Variants in KCNB2 observed in about 807,000 individuals in gnomAD.
KCNB2 encodes the protein potassium voltage-gated channel subfamily B member 2.
Under a neutral mutation model 61.5 loss-of-function variants are expected in KCNB2, and 15 were observed. The ratio of observed to expected loss-of-function variants is 0.24; its 90% CI spans 0.16 to 0.38. The LOEUF is 0.38. KCNB2 is among the 10% of genes least tolerant of loss of function. The pLI, the probability that KCNB2 is intolerant of heterozygous loss-of-function variation, is 1.00. For synonymous variants in KCNB2, 457 were observed against 446.0 expected, an observed-to-expected ratio of 1.02 and a Z score of -0.31; for missense variants, 828 against 1,125.2, an observed-to-expected ratio of 0.74 and a Z score of 3.78.
At chr8:72,787,224 G>A (rs931092031) in intron 2 of KCNB2, among the ~76,000 whole-genome samples, 11 of 152,004 alleles carry the variant, frequency 7.2e-5, no homozygotes, top group South Asian at 6.2e-4. Context: ...GAAAGATCCC[G>A]TCTCTATAAT....
At chr8:72,674,001 T>A (rs1238489833) in intron 2 of KCNB2, among the ~76,000 whole-genome samples, 1 of 152,188 alleles carries the variant, frequency 6.6e-6, no homozygotes, top group Non-Finnish European at 1.5e-5. Context: ...AAACTATGAA[T>A]TAGTAGTTTC....
At chr8:72,902,625 C>G (rs1183471928) in intron 2 of KCNB2, among the ~76,000 whole-genome samples, 1 of 152,046 alleles carries the variant, frequency 6.6e-6, no homozygotes, top group Non-Finnish European at 1.5e-5. Flanking sequence ...GGCCTATTGC[C>G]TAATCTGTAG....
At chr8:72,762,057 T>G (rs1435823096) in intron 2 of KCNB2, among the ~76,000 whole-genome samples, 2 of 152,252 alleles carry the variant, frequency 1.3e-5, no homozygotes, top group Non-Finnish European at 2.9e-5. Flanking sequence ...CTTGTATTTC[T>G]GTAAGTTCTT....
chr8:72,785,944 A>G (rs529211547), intron 2 of KCNB2, among the ~76,000 whole-genome samples: 4 of 152,178 alleles, frequency 2.6e-5, no homozygotes, highest in East Asian at 1.9e-4. Context: ...TTTTAAATTC[A>G]TAACTATTTC....
At chr8:72,593,568 GGA>G (rs1187945988) in intron 2 of KCNB2, among the ~76,000 whole-genome samples, 1 of 152,158 alleles carries the variant, frequency 6.6e-6, no homozygotes, top group African/African-American at 2.4e-5. Context: ...GCAACTCTAG[GGA>G]GAGAGTTTAG....
At chr8:72,594,337 G>A (rs1218952455) in intron 2 of KCNB2, among the ~76,000 whole-genome samples, 1 of 152,014 alleles carries the variant, frequency 6.6e-6, no homozygotes. Context: ...TATTCAAATG[G>A]TCCACCCCCT....
intron 2 of KCNB2, among the ~76,000 whole-genome samples, chr8:72,743,038 G>C (rs931514992): frequency 9.2e-5 from 14 of 152,124 alleles, no homozygotes; most frequent in Non-Finnish European, 5.9e-5. Context: ...ACGACTCTTA[G>C]TCATATTTTA....
intron 2 of KCNB2, among the ~76,000 whole-genome samples, chr8:72,867,343 C>T (rs1337217968): frequency 6.6e-6 from 1 of 152,162 alleles, no homozygotes; most frequent in East Asian, 1.9e-4. Flanking sequence ...CCGTGTTGAG[C>T]ATGTCTTAAA....
intron 2 of KCNB2, among the ~76,000 whole-genome samples, chr8:72,685,528 C>G (rs1037816503): frequency 7.2e-5 from 11 of 152,190 alleles, no homozygotes; most frequent in African/African-American, 1.9e-4. Context: ...GATGGGTGCT[C>G]TGACACTGGA....
chr8:72,627,087 A>G (rs1805802720), intron 2 of KCNB2, among the ~76,000 whole-genome samples: 1 of 152,210 alleles, frequency 6.6e-6, no homozygotes, highest in African/African-American at 2.4e-5. Flanking sequence ...CTAAAATTCT[A>G]AAAGCTCATG....
rs965386487 is a variant in KCNB2 at position 72,904,722 on chromosome 8, A to G, written c.580-31213A>G. 2.0e-5 allele frequency among the ~76,000 whole-genome samples: 3 copies of G among 151,724 alleles called. No individual in the cohort carries two copies. The South Asian group carries it at 6.2e-4, about 32-fold the overall frequency. On this transcript the variant is annotated intron_variant, in intron 2 of 2. Coordinates refer to ENST00000523207, the MANE Select transcript of KCNB2 (RefSeq NM_004770.3). ...TGTGCACAACGTTTTATTTTTTTAA[A>G]TGTTTCTTCATTAGTGTTCCCATAG...
chr8:72,564,636 C>CAT (rs934912476), intron 1 of KCNB2, among the ~76,000 whole-genome samples: 7 of 151,928 alleles, frequency 4.6e-5, no homozygotes, highest in African/African-American at 1.5e-4. Context: ...CAATTTTTAA[C>CAT]ATATATATAT....
chr8:72,616,139 G>T (rs545260703), intron 2 of KCNB2, among the ~76,000 whole-genome samples: 1 of 152,168 alleles, frequency 6.6e-6, no homozygotes, highest in Non-Finnish European at 1.5e-5. Context: ...TAGGTTTTAA[G>T]TCGAAGGATT....
At chr8:72,682,981 C>T (rs1458592085) in intron 2 of KCNB2, among the ~76,000 whole-genome samples, 1 of 152,092 alleles carries the variant, frequency 6.6e-6, no homozygotes, top group Admixed American at 6.6e-5. Context: ...CTTCCAAATA[C>T]TAGAAAAAGT....
chr8:72,728,980 T>G (rs78506371), intron 2 of KCNB2, among the ~76,000 whole-genome samples: 2,787 of 152,298 alleles, frequency 0.018, 68 homozygotes, highest in African/African-American at 0.061. Flanking sequence ...TAGATTAGGA[T>G]GCATGTGAAG....
intron 2 of KCNB2, among the ~76,000 whole-genome samples, chr8:72,927,744 A>G (rs1019524088): frequency 3.9e-5 from 6 of 152,206 alleles, no homozygotes; most frequent in Admixed American, 1.3e-4. Flanking sequence ...TTTACAGCCT[A>G]TACCCTTATA....
intron 2 of KCNB2, among the ~76,000 whole-genome samples, chr8:72,603,209 C>T (rs879426529): frequency 2.0e-5 from 3 of 152,132 alleles, no homozygotes; most frequent in Non-Finnish European, 4.4e-5. Context: ...GTTTATAAAG[C>T]GAAGTCCAAT....
intron 2 of KCNB2, among the ~76,000 whole-genome samples, chr8:72,920,318 A>C (rs1239355284): frequency 1.3e-5 from 2 of 151,244 alleles, no homozygotes; most frequent in Non-Finnish European, 2.9e-5. Context: ...ATTTCATCAG[A>C]AGTTTAAAAT....
intron 1 of KCNB2, among the ~76,000 whole-genome samples, chr8:72,542,762 G>A (rs1056227899): frequency 6.6e-6 from 1 of 152,118 alleles, no homozygotes; most frequent in African/African-American, 2.4e-5. Flanking sequence ...GCAAAGCACT[G>A]GATAATTGAT....
Sources: allele counts gnomAD v4.1 joint callset (sites outside exome capture counted in the v4.1 genomes callset), GRCh38; gene constraint gnomAD v4.1.1; transcripts MANE v1.5; gene names NCBI Gene and HGNC (gene_info 2026-07-23, HGNC 2026-07-21).